FRMD4B: variants seen among roughly 807,000 people sequenced by gnomAD.
The protein encoded by FRMD4B is FERM domain containing 4B.
In FRMD4B, 74 loss-of-function variants were observed where a neutral mutation model predicts 141.5. The observed-to-expected ratio is 0.52, with a 90% CI of 0.43 to 0.63. The LOEUF is 0.63. FRMD4B is among the 30% of genes least tolerant of loss of function. FRMD4B has a pLI of 0.00. For missense variants in FRMD4B, 1,366 were observed against 1,253.4 expected, an observed-to-expected ratio of 1.09 and a Z score of -1.36; for synonymous variants, 506 against 467.9, an observed-to-expected ratio of 1.08 and a Z score of -1.05.
At position 69,303,101 on chromosome 3, in the gene FRMD4B, A is replaced by AC. The variant is rs1479012495; in HGVS notation, c.324-667dup. ...TCTGTCTAAAAAATAAACAAACAAAACCCCCCAAAACAAACAAACAAAAAA... is the reference window on the plus strand; with the variant it reads ...TCTGTCTAAAAAATAAACAAACAAAACCCCCCCAAAACAAACAAACAAAAAA... On this transcript the variant is annotated intron_variant, in intron 3 of 22. Coordinates refer to ENST00000398540, the MANE Select transcript of FRMD4B (RefSeq NM_015123.3). Among the ~76,000 whole-genome samples, 3 of 136,018 alleles carry AC rather than the reference A, an allele frequency of 2.2e-5. No individual in the cohort carries two copies. The Admixed American group carries it at 2.3e-4, about 10-fold the overall frequency. 89.2% of individuals were successfully genotyped at this position (136,018 alleles called of 152,430 possible). A position where few individuals can be genotyped will look rare whatever the true frequency, so the allele number is the denominator to read the frequency against.
At position 69,193,905 on chromosome 3, in the gene FRMD4B, TG is replaced by T. The variant is rs747421271; in HGVS notation, c.1489-33del. 3 of 1,331,792 alleles carry T rather than the reference TG, an allele frequency of 2.3e-6. No individual in the cohort carries two copies. In the African/African-American group the frequency reaches 4.4e-5, roughly 19 times the overall value. The allele number at this position is 1,331,792 out of a possible 1,614,324, so 82.5% of individuals were successfully genotyped here. ...TTATACAATGATAGTTTTATTTTTA[TG>T]GACACATACAATCAACTCTTACATG... On this transcript the variant is annotated intron_variant, in intron 16 of 22. Transcript: ENST00000398540.
At chr3:69,185,771 G>C (rs2092760034) in intron 19 of FRMD4B, among the ~76,000 whole-genome samples, 2 of 152,182 alleles carry the variant, frequency 1.3e-5, no homozygotes, top group Non-Finnish European at 2.9e-5. Flanking sequence ...GCCAGTTGTA[G>C]TGACTCATGC....
intron 1 of FRMD4B, among the ~76,000 whole-genome samples, chr3:69,333,412 G>A (rs372258495): frequency 6.6e-6 from 1 of 152,116 alleles, no homozygotes; most frequent in Admixed American, 6.5e-5. Context: ...ATATGAACCT[G>A]GAAAAGTCAA....
At chr3:69,452,243 C>G (rs1425310213) in intron 1 of FRMD4B, among the ~76,000 whole-genome samples, 2 of 152,196 alleles carry the variant, frequency 1.3e-5, no homozygotes, top group South Asian at 2.1e-4. Flanking sequence ...GAAAGCTGGA[C>G]TATTAACAAG....
At chr3:69,526,366 C>T (rs1559553746) in intron 1 of FRMD4B, among the ~76,000 whole-genome samples, 1 of 152,156 alleles carries the variant, frequency 6.6e-6, no homozygotes. Context: ...CCTCCCATTC[C>T]CTGTCTCATT....
At chr3:69,240,726 T>C (rs2093376301) in intron 7 of FRMD4B, among the ~76,000 whole-genome samples, 1 of 152,190 alleles carries the variant, frequency 6.6e-6, no homozygotes, top group Admixed American at 6.6e-5. Flanking sequence ...GCATTAGCCA[T>C]CTGAACACAG....
chr3:69,329,153 A>C (rs35331889), intron 1 of FRMD4B, among the ~76,000 whole-genome samples: 55,081 of 151,866 alleles, frequency 0.36, 10,619 homozygotes, highest in East Asian at 0.6. Context: ...CCGTTGAGAG[A>C]CCACGTGATA....
intron 1 of FRMD4B, chr3:69,536,634 G>C: frequency 9.9e-7 from 1 of 1,011,892 alleles, no homozygotes; most frequent in Non-Finnish European, 1.5e-6. Context: ...AGACCTGGAT[G>C]ATCCTGCTGT....
At chr3:69,227,276 T>G (rs1352209749) in intron 7 of FRMD4B, among the ~76,000 whole-genome samples, 1 of 152,216 alleles carries the variant, frequency 6.6e-6, no homozygotes, top group African/African-American at 2.4e-5. Flanking sequence ...GACCTTTTTT[T>G]GAGTACTGAT....
chr3:69,465,492 C>T (rs7615650), intron 1 of FRMD4B, among the ~76,000 whole-genome samples: 4,628 of 151,990 alleles, frequency 0.03, 247 homozygotes, highest in African/African-American at 0.11. Context: ...CTGAACCCAT[C>T]GACTCATCAT....
intron 7 of FRMD4B, chr3:69,228,366 A>G: frequency 2.2e-6 from 1 of 457,056 alleles, no homozygotes; most frequent in Non-Finnish European, 4.4e-6. Context: ...TGAGACAGGC[A>G]TTAGAAAATC....
intron 1 of FRMD4B, among the ~76,000 whole-genome samples, chr3:69,435,711 C>T (rs1436102125): frequency 6.6e-6 from 1 of 152,140 alleles, no homozygotes; most frequent in Non-Finnish European, 1.5e-5. Flanking sequence ...TAGGGCTTTT[C>T]AAGGTCTTTC....
chr3:69,437,816 CTATA>C (rs1377061488), intron 1 of FRMD4B, among the ~76,000 whole-genome samples: 1 of 122,714 alleles, frequency 8.1e-6, no homozygotes, highest in Admixed American at 9.2e-5. Context: ...TTTATATATA[CTATA>C]TATATTTATA....
intron 1 of FRMD4B, among the ~76,000 whole-genome samples, chr3:69,479,781 G>A (rs188950829): frequency 6.6e-6 from 1 of 152,146 alleles, no homozygotes; most frequent in Non-Finnish European, 1.5e-5. Flanking sequence ...AAGTTCTCCT[G>A]GATAATATCT....
intron 1 of FRMD4B, among the ~76,000 whole-genome samples, chr3:69,371,573 G>T (rs147911342): frequency 6.6e-6 from 1 of 152,322 alleles, no homozygotes; most frequent in African/African-American, 2.4e-5. Flanking sequence ...AGAGAGACCA[G>T]TTAGGAAGCT....
At chr3:69,403,441 CAG>C (rs1704601202) in intron 2 of FRMD4B, among the ~76,000 whole-genome samples, 1 of 152,148 alleles carries the variant, frequency 6.6e-6, no homozygotes, top group African/African-American at 2.4e-5. Flanking sequence ...AGCATTGTAA[CAG>C]AGGCCTTCTG....
intron 1 of FRMD4B, among the ~76,000 whole-genome samples, chr3:69,369,959 G>T (rs1214926297): frequency 6.6e-6 from 1 of 152,154 alleles, no homozygotes; most frequent in Non-Finnish European, 1.5e-5. Context: ...ATAATAAGCA[G>T]CTCTTGTAAC....
At chr3:69,363,548 C>A (rs923579364) in intron 1 of FRMD4B, among the ~76,000 whole-genome samples, 2 of 152,172 alleles carry the variant, frequency 1.3e-5, no homozygotes, top group African/African-American at 4.8e-5. Context: ...TGCCACCACG[C>A]CTGGCTAATT....
chr3:69,487,335 C>T (rs1057163654), intron 1 of FRMD4B, among the ~76,000 whole-genome samples: 3 of 152,016 alleles, frequency 2.0e-5, no homozygotes, highest in Admixed American at 6.6e-5. Context: ...AGAGATAAGG[C>T]GTGTAAAGCA....
Sources: allele counts gnomAD v4.1 joint callset (sites outside exome capture counted in the v4.1 genomes callset), GRCh38; gene constraint gnomAD v4.1.1; transcripts MANE v1.5; gene names NCBI Gene and HGNC (gene_info 2026-07-23, HGNC 2026-07-21).